Variants in NIPAL4 observed in about 807,000 individuals in gnomAD.
NIPAL4 encodes the protein magnesium transporter NIPA4.
NIPAL4 carries 21 observed loss-of-function variants against 31.6 expected under a neutral mutation model. The observed-to-expected ratio is 0.67, with a 90% CI of 0.47 to 0.96. NIPAL4 has a LOEUF of 0.96. NIPAL4 is among the 40% of genes least tolerant of loss of function. The pLI is 0.00. For missense variants in NIPAL4, 438 were observed against 508.0 expected (o/e 0.86, Z 1.32); for synonymous variants, 175 against 211.1 (o/e 0.83, Z 1.48).
In NIPAL4 at chr5:157,460,667, G is replaced by T. The variant is rs1433052803; in HGVS notation, c.37+310G>T. ...CCCTGAGAGGTGGTGGGGGCGGGGG[G>T]AGGATTCTGTGTTTTTAATGTGTAG... On this transcript the variant is annotated intron_variant, in intron 1 of 5. Transcript: ENST00000311946. 5.5e-6 allele frequency: 3 copies of T among 542,388 alleles called. No homozygotes were observed. The Admixed American group carries it at 6.7e-5, about 12-fold the overall frequency. The allele number at this position is 542,388 out of a possible 1,614,324, so 33.6% of individuals were successfully genotyped here. A position where few individuals can be genotyped will look rare whatever the true frequency, so the allele number is the denominator to read the frequency against.
At chr5:157,464,701 G>T (rs1416843971) in intron 2 of NIPAL4, among the ~76,000 whole-genome samples, 4 of 152,146 alleles carry the variant, frequency 2.6e-5, no homozygotes, top group African/African-American at 9.7e-5. Flanking sequence ...TTGAGATGAA[G>T]AGTGTAGAAG....
intron 4 of NIPAL4, among the ~76,000 whole-genome samples, chr5:157,469,939 C>T (rs1404475646): frequency 6.6e-6 from 1 of 152,198 alleles, no homozygotes; most frequent in East Asian, 1.9e-4. Flanking sequence ...TTTGCAAATT[C>T]CTACCCGGGG....
Position 157,473,106 on chromosome 5 carries a change from A to G in NIPAL4, c.*146A>G. 1.6e-6 allele frequency: 1 copy of G among 616,752 alleles called. No homozygotes were observed. Among genetic ancestry groups the G allele is most frequent in the Non-Finnish European group, 2.5e-6 (1 of 399,380 alleles). 38.2% of individuals were successfully genotyped at this position (616,752 alleles called of 1,614,324 possible). A position where few individuals can be genotyped will look rare whatever the true frequency, so the allele number is the denominator to read the frequency against. ...TCATTTATACCTCATCACTGTTTCC[A>G]GGAGAAAAATCTTTACCCAAATAGC... is the stretch of plus-strand genomic sequence containing the variant. On this transcript the variant is annotated 3_prime_UTR_variant, in exon 6 of 6. Coordinates refer to ENST00000311946, the MANE Select transcript of NIPAL4 (RefSeq NM_001099287.2).
chr5:157,467,377 A>G, intron 3 of NIPAL4: 1 of 399,240 alleles, frequency 2.5e-6, no homozygotes. Flanking sequence ...ACATAGCTCG[A>G]TAATATCACT....
chr5:157,466,863 T>C (rs2113663643), intron 2 of NIPAL4, among the ~76,000 whole-genome samples, 186 bp from the exon 3 acceptor site: 1 of 152,260 alleles, frequency 6.6e-6, no homozygotes, highest in South Asian at 2.1e-4. Flanking sequence ...AGGCTACAGA[T>C]ATAGAGGCAT....
chr5:157,467,028 T>G (rs1754292826), intron 2 of NIPAL4, 21 bp from the exon 3 acceptor site: 2 of 1,602,914 alleles, frequency 1.2e-6, no homozygotes, highest in Non-Finnish European at 1.7e-6. Context: ...CATCCTAACT[T>G]TGTGTCCATT....
rs1031897054 is a variant in NIPAL4 at position 157,470,095 on chromosome 5, T to C, written c.425+1283T>C. On this transcript the variant is annotated intron_variant, in intron 4 of 5. Transcript: ENST00000311946. ...CAAGAGAGCTTAGATATCAATCTCC[T>C]CTCTCCTGACAACTTGAACCAGGAT... Among the ~76,000 whole-genome samples, 10 of 152,274 alleles carry C rather than the reference T, an allele frequency of 6.6e-5. 1 individual carries two copies. The highest frequency in any genetic ancestry group is 6.5e-4 in the Admixed American group (10 of 15,292).
chr5:157,460,551 G>C (rs1319986755), intron 1 of NIPAL4, 194 bp downstream of exon 1: 2 of 713,738 alleles, frequency 2.8e-6, no homozygotes, highest in East Asian at 2.7e-5. Flanking sequence ...TTCGCAGCTG[G>C]GATGGCTGAG....
In NIPAL4 at chr5:157,471,834, T is replaced by C. The variant is rs768771431; in HGVS notation, c.586+17T>C. ...AAGACACAGGTAGACTCCAAGCCCCTGAAGAGCAGGAAAATACTGGAGGTT... is the reference window on the plus strand; with the variant it reads ...AAGACACAGGTAGACTCCAAGCCCCCGAAGAGCAGGAAAATACTGGAGGTT... On this transcript the variant is annotated intron_variant, in intron 5 of 5. Transcript: ENST00000311946. 3.2e-6 allele frequency: 5 copies of C among 1,568,634 alleles called. No individual in the cohort carries two copies. In the Admixed American group the frequency reaches 7.5e-5, roughly 24 times the overall value.
Position 157,471,681 on chromosome 5 carries a change from G to T in NIPAL4, c.450G>T (p.Leu150=), listed in dbSNP as rs1237873083. The T allele has an allele frequency of 1.9e-6, 3 of 1,608,838 alleles. No homozygotes were observed. The highest frequency in any genetic ancestry group is 1.7e-4 in the Middle Eastern group (1 of 5,930). The change falls in exon 5 of 6, where the codon CTG becomes CTT. Residue 150 remains leucine (L), a synonymous_variant. Coordinates refer to ENST00000311946, the MANE Select transcript of NIPAL4 (RefSeq NM_001099287.2). ...LISAILSSYF[L]RESLNLLGKL... ...GTGCCATCCTCTCCTCATATTTCCT[G>T]AGGGAGAGTCTGAACCTGCTGGGGA...
intron 1 of NIPAL4, among the ~76,000 whole-genome samples, chr5:157,462,881 C>G (rs116697090): frequency 6.6e-6 from 1 of 152,154 alleles, no homozygotes; most frequent in Non-Finnish European, 1.5e-5. Context: ...TTATCTGGCA[C>G]GTGGTGGTAC....
At chr5:157,463,905 A>G (rs1173591450) in intron 2 of NIPAL4, among the ~76,000 whole-genome samples, 1 of 152,206 alleles carries the variant, frequency 6.6e-6, no homozygotes, top group African/African-American at 2.4e-5. Flanking sequence ...TTTAATCACC[A>G]TTTATCACAT....
At position 157,463,254 on chromosome 5, in the gene NIPAL4, T is replaced by G; in HGVS notation, c.198T>G (p.Ser66=). 1.9e-6 allele frequency: 3 copies of G among 1,613,990 alleles called. No individual in the cohort carries two copies. Among genetic ancestry groups the G allele is most frequent in the Non-Finnish European group, 2.5e-6 (3 of 1,179,884 alleles). ...TCGGCCTGGGCCTGGCATTCCTGTC[T>G]AGCTTCCTCATCGGCAGCAGCGTCA... is the stretch of plus-strand genomic sequence containing the variant. ...FYIGLGLAFL[S]SFLIGSSVIL... The change falls in exon 2 of 6, where the codon TCT becomes TCG. Residue 66 remains serine, a synonymous_variant. Coordinates refer to ENST00000311946, the MANE Select transcript of NIPAL4 (RefSeq NM_001099287.2).
chr5:157,469,784 T>C (rs895922484), intron 4 of NIPAL4, among the ~76,000 whole-genome samples: 3 of 152,104 alleles, frequency 2.0e-5, no homozygotes, highest in Non-Finnish European at 4.4e-5. Flanking sequence ...CATCATTTGT[T>C]TTACCATCTT....
In NIPAL4 at chr5:157,467,085, G is replaced by C. The variant is rs770373577; in HGVS notation, c.314G>C (p.Trp105Ser). 1 of 1,612,916 alleles carries C rather than the reference G, an allele frequency of 6.2e-7. No homozygotes were observed. Among genetic ancestry groups the C allele is most frequent in the Non-Finnish European group, 8.5e-7 (1 of 1,179,060 alleles). ...GGFGYLKDAM[W>S]WAGFLTMAAG... ...TTCGGCTACCTGAAAGATGCAATGT[G>C]GTGGGCTGGATTTCTCACCAGTAAG... The change falls in exon 3 of 6, where the codon TGG becomes TCG. Residue 105 changes from tryptophan (W) to serine (S), a missense_variant. Trp to Ser is a radical substitution (Grantham distance 177). Coordinates refer to ENST00000311946, the MANE Select transcript of NIPAL4 (RefSeq NM_001099287.2).
intron 1 of NIPAL4, chr5:157,460,657 G>A (rs1754073839): frequency 1.2e-5 from 7 of 608,680 alleles, no homozygotes; most frequent in South Asian, 1.1e-4. Context: ...AGAGGTGGTG[G>A]GGGCGGGGGG....
Position 157,463,267 on chromosome 5 carries a change from G to A in NIPAL4, c.211G>A (p.Gly71Ser), listed in dbSNP as rs371755190. 4.2e-5 allele frequency: 68 copies of A among 1,613,780 alleles called. No homozygotes were observed. The highest frequency in any genetic ancestry group is 5.3e-5 in the Non-Finnish European group (63 of 1,179,854). ...GLAFLSSFLI[G>S]SSVILKKKGL... ...GGCATTCCTGTCTAGCTTCCTCATC[G>A]GCAGCAGCGTCATCCTCAAGAAGAA... is the stretch of plus-strand genomic sequence containing the variant. Residue 71 changes from glycine (G) to serine (S), a missense_variant, in exon 2 of 6, where the codon GGC becomes AGC. Coordinates refer to ENST00000311946, the MANE Select transcript of NIPAL4 (RefSeq NM_001099287.2).
chr5:157,467,737 T>C (rs1289939638), intron 3 of NIPAL4: 2 of 156,176 alleles, frequency 1.3e-5, no homozygotes, highest in Non-Finnish European at 2.8e-5. Flanking sequence ...AAAGACACTT[T>C]TCTGATAACC....
Position 157,474,151 on chromosome 5 carries a change from GTCCC to G in NIPAL4, c.*1192_*1195del, listed in dbSNP as rs1754519909. ...TAGCTGTTGACCAGATTGCTACCGA[GTCCC>G]CTCCTCCACTGATGAGCTGCCCACA... On this transcript the variant is annotated 3_prime_UTR_variant, in exon 6 of 6. Coordinates refer to ENST00000311946, the MANE Select transcript of NIPAL4 (RefSeq NM_001099287.2). 2 of 152,316 alleles carry G rather than the reference GTCCC, an allele frequency of 1.3e-5. No individual in the cohort carries two copies. The highest frequency in any genetic ancestry group is 4.8e-5 in the African/African-American group (2 of 41,444). 9.4% of individuals were successfully genotyped at this position (152,316 alleles called of 1,614,324 possible).
Sources: allele counts gnomAD v4.1 joint callset (sites outside exome capture counted in the v4.1 genomes callset), GRCh38; gene constraint gnomAD v4.1.1; transcripts MANE v1.5; gene names NCBI Gene and HGNC (gene_info 2026-07-23, HGNC 2026-07-21).